Variants in C1S observed in about 807,000 individuals in gnomAD.
The protein encoded by C1S is complement C1s.
A neutral mutation model predicts 54.0 loss-of-function variants in C1S; 31 were observed. The ratio of observed to expected loss-of-function variants is 0.57; its 90% CI spans 0.43 to 0.78. The LOEUF (loss-of-function observed/expected upper bound fraction) is 0.78. C1S is among the 30% of genes least tolerant of loss of function. The pLI, the probability that C1S is intolerant of heterozygous loss-of-function variation, is 0.00. For synonymous variants in C1S, 292 were observed against 303.6 expected (o/e 0.96, Z 0.40); for missense variants, 727 against 851.8 (o/e 0.85, Z 1.82).
At chr12:7,067,380 C>T (rs1591579777) in intron 9 of C1S, 1 of 631,788 alleles carries the variant, frequency 1.6e-6, no homozygotes. Context: ...TTTGTGGCTT[C>T]CACTGGGCCT....
At chr12:7,062,009 C>G (rs868963849) in intron 2 of C1S, 92 bp downstream of exon 2, 3 of 1,260,846 alleles carry the variant, frequency 2.4e-6, no homozygotes, top group African/African-American at 1.5e-5. Context: ...ATGGCTCACA[C>G]CTGTAACCCC....
At chr12:7,066,480 T>A (rs782114163) in intron 7 of C1S, 38 bp from the exon 8 acceptor site, 3 of 1,154,082 alleles carry the variant, frequency 2.6e-6, no homozygotes, top group Non-Finnish European at 3.9e-6. Flanking sequence ...AACTATTTAG[T>A]AATTTTTTCC....
In C1S at chr12:7,062,616, G is replaced by A. The variant is rs1947112322; in HGVS notation, c.147G>A (p.Gly49=). Residue 49 remains glycine (G), a synonymous_variant, in exon 3 of 12, where the codon GGG becomes GGA. Coordinates refer to ENST00000360817, the MANE Select transcript of C1S (RefSeq NM_001734.5). ...ACATAGAAGTTCCTGAAGGGTATGGGATTCACCTCTACTTCACCCATCTGG... is the reference window on the plus strand; with the variant it reads ...ACATAGAAGTTCCTGAAGGGTATGGAATTCACCTCTACTTCACCCATCTGG... ...SWDIEVPEGY[G]IHLYFTHLDI... The A allele has an allele frequency of 2.5e-6, 4 of 1,614,156 alleles. No individual in the cohort carries two copies. In the East Asian group the frequency reaches 8.9e-5, roughly 36 times the overall value.
chr12:7,063,145 T>G, intron 4 of C1S, 78 bp downstream of exon 4: 1 of 1,296,810 alleles, frequency 7.7e-7, no homozygotes, highest in Non-Finnish European at 1.1e-6. Context: ...AGCAACACAT[T>G]GAATGAGGAT....
rs138276431 is a variant in C1S, at chr12:7,065,108, A to G, written c.526A>G (p.Ser176Gly). The change falls in exon 6 of 12, where the codon AGT becomes GGT. Residue 176 changes from serine to glycine, a missense_variant. Physicochemically the swap from Ser to Gly is moderately conservative, Grantham distance 56 (BLOSUM62 0). This residue lies in a region of C1S where 357 missense variants were observed against 365.4 expected (regional missense o/e 0.98). Coordinates refer to ENST00000360817, the MANE Select transcript of C1S (RefSeq NM_001734.5). Reference protein sequence around the residue: ...DDMKNCGVNCSGDVFTALIGE... With the variant: ...DDMKNCGVNCGGDVFTALIGE... ...CTCTTTTTCTCTGTTAGTTAATTGC[A>G]GTGGGGATGTATTCACTGCACTGAT... 1 of 1,613,106 alleles carries G rather than the reference A, an allele frequency of 6.2e-7. No individual in the cohort carries two copies. The highest frequency in any genetic ancestry group is 8.5e-7 in the Non-Finnish European group (1 of 1,179,080).
In C1S at chr12:7,067,097, A is replaced by T. The variant is rs192346248; in HGVS notation, c.1046A>T (p.Asn349Ile). Residue 349 changes from asparagine to isoleucine, a missense_variant, in exon 9 of 12, where the codon AAT becomes ATT. Around this residue, in one of 3 missense-constraint regions of C1S, gnomAD observed 360 missense variants for 453.6 expected, o/e 0.79. Coordinates refer to ENST00000360817, the MANE Select transcript of C1S (RefSeq NM_001734.5). ...TGTCAAAGCAATGGAAAGTGGAGTA[A>T]TTCCAAACTGAAATGTCAACGTATG... ...STCQSNGKWS[N>I]SKLKCQPVDC... 2 of 1,607,460 alleles carry T rather than the reference A, an allele frequency of 1.2e-6. No individual in the cohort carries two copies. The highest frequency in any genetic ancestry group is 1.7e-6 in the Non-Finnish European group (2 of 1,173,952).
chr12:7,063,835 G>C, intron 4 of C1S: 1 of 366,936 alleles, frequency 2.7e-6, no homozygotes, highest in Non-Finnish European at 5.4e-6. Context: ...GACCAGCCTG[G>C]CCAACATGGT....
At chr12:7,066,659 C>A in intron 8 of C1S, 26 bp downstream of exon 8, 1 of 1,330,830 alleles carries the variant, frequency 7.5e-7, no homozygotes, top group Non-Finnish European at 1.1e-6. Flanking sequence ...GGCTTCTCCC[C>A]AGTCCCTGGC....
intron 8 of C1S, 73 bp downstream of exon 8, chr12:7,066,706 G>A (rs1386648894): frequency 1.1e-6 from 1 of 893,768 alleles, no homozygotes; most frequent in Non-Finnish European, 1.9e-6. Flanking sequence ...TTGTCCAGTT[G>A]TTTACCCAAT....
chr12:7,063,607 T>C lies in C1S; in HGVS notation c.391+540T>C, dbSNP rs781846929. The stretch of plus-strand genomic sequence containing the variant: ...AGATTTGACAGAAGGACCAACATCA[T>C]ATAAAGCAATGAATGTACTGATTCC... On this transcript the variant is annotated intron_variant, in intron 4 of 11. Coordinates refer to ENST00000360817, the MANE Select transcript of C1S (RefSeq NM_001734.5). Among the ~76,000 whole-genome samples the C allele has an allele frequency of 2.0e-5, 3 of 152,318 alleles. No homozygotes were observed. In the East Asian group the frequency reaches 5.8e-4, roughly 29 times the overall value.
In C1S at chr12:7,067,883, G is replaced by A; in HGVS notation, c.1195+112G>A. On this transcript the variant is annotated intron_variant, in intron 10 of 11. Transcript: ENST00000360817. ...GGAGACAAATGAAGGCGATAGGACA[G>A]ACATTGTTCATCCCCTTGGCTTCGT... 12 of 1,156,954 alleles carry A rather than the reference G, an allele frequency of 1.0e-5. No homozygotes were observed. In the South Asian group the frequency reaches 1.5e-4, roughly 14 times the overall value. 71.7% of individuals were successfully genotyped at this position (1,156,954 alleles called of 1,614,324 possible).
At chr12:7,061,539 G>T (rs1468566808) in intron 1 of C1S, 6 of 367,818 alleles carry the variant, frequency 1.6e-5, no homozygotes, top group African/African-American at 1.3e-4. Context: ...CGGGGGTGGG[G>T]CTGGTGGAGG....
chr12:7,064,123 A>G, intron 4 of C1S, 144 bp from the exon 5 acceptor site: 3 of 854,928 alleles, frequency 3.5e-6, no homozygotes, highest in East Asian at 2.5e-5. Flanking sequence ...ATATGGAATA[A>G]TAGTAGCCTG....
At chr12:7,061,970 T>C in intron 2 of C1S, 53 bp downstream of exon 2, 1 of 1,589,440 alleles carries the variant, frequency 6.3e-7, no homozygotes, top group Admixed American at 1.7e-5. Flanking sequence ...CTTCATCTTC[T>C]CAAGAAAAGC....
rs782177634 is a variant in C1S, at chr12:7,065,969, T to C, written c.870T>C (p.Asp290=). ...GCTGGAAACTTCGCTATCATGGAGA[T>C]CGTGAGTAACTTAGAAGTGCCTCTT... ...KKGWKLRYHG[D]PMPCPKEDTP... is the part of the protein sequence containing the mutation. The change falls in exon 7 of 12, where the codon GAT becomes GAC. Residue 290 remains aspartate, a splice_region_variant and synonymous_variant. Transcript: ENST00000360817. 1.3e-5 allele frequency: 21 copies of C among 1,613,856 alleles called. No individual in the cohort carries two copies. In the South Asian group the frequency reaches 2.0e-4, roughly 15 times the overall value.
At chr12:7,068,178 C>T (rs1207481348) in intron 10 of C1S, among the ~76,000 whole-genome samples, 5 of 152,226 alleles carry the variant, frequency 3.3e-5, no homozygotes, top group East Asian at 1.9e-4. Context: ...GACCCTAATA[C>T]GTTCTCTGCA....
intron 6 of C1S, chr12:7,065,604 A>C (rs1947163776): frequency 3.2e-6 from 2 of 624,304 alleles, no homozygotes. Context: ...TCCTAGCCTC[A>C]AGCAATGCTC....
Position 7,066,955 on chromosome 12 carries a change from C to T in C1S, c.988-84C>T, listed in dbSNP as rs782648242. On this transcript the variant is annotated intron_variant, in intron 8 of 11. Coordinates refer to ENST00000360817, the MANE Select transcript of C1S (RefSeq NM_001734.5). ...TTGTGGTGAGGACTCCTCATTGATC[C>T]AAGGCCAGAGATCAATTCCAGTTTT... The T allele has an allele frequency of 9.9e-5, 100 of 1,005,840 alleles. No homozygotes were observed. The African/African-American group carries it at 1.4e-3, about 14-fold the overall frequency. The allele number at this position is 1,005,840 out of a possible 1,614,324, so 62.3% of individuals were successfully genotyped here.
Position 7,064,325 on chromosome 12 carries a change from C to G in C1S, c.450C>G (p.Phe150Leu), listed in dbSNP as rs1555161754. ...DVPCSHFCNN[F>L]IGGYFCSCPP... The stretch of plus-strand genomic sequence containing the variant: ...CTTGTAGCCACTTCTGCAACAATTT[C>G]ATTGGTGGTTACTTCTGCTCCTGCC... Residue 150 changes from phenylalanine (F) to leucine (L), a missense_variant, in exon 5 of 12, where the codon TTC (phenylalanine) becomes TTG (leucine). Transcript: ENST00000360817. 1.2e-6 allele frequency: 2 copies of G among 1,613,960 alleles called. No homozygotes were observed. Among genetic ancestry groups the G allele is most frequent in the South Asian group, 2.2e-5 (2 of 91,080 alleles).
Sources: gnomAD v4.1 joint callset for allele counts (sites outside exome capture counted in the v4.1 genomes callset) on GRCh38, gnomAD v4.1.1 for gene constraint, gnomAD v4.1.1 regional missense constraint, MANE v1.5 for transcripts, NCBI Gene and HGNC (gene_info 2026-07-23, HGNC 2026-07-21) for gene names.